Variants in EPS15L1 observed in about 807,000 individuals in gnomAD.
The protein encoded by EPS15L1 is epidermal growth factor receptor substrate 15-like 1.
EPS15L1 carries 43 observed loss-of-function variants against 117.1 expected under a neutral mutation model. The ratio of observed to expected loss-of-function variants is 0.37; its 90% CI spans 0.29 to 0.47. EPS15L1 has a LOEUF of 0.47. EPS15L1 is among the 20% of genes least tolerant of loss of function. The probability of loss-of-function intolerance (pLI) is 0.99; values close to 1 mark genes in which losing one functional copy is unlikely to be tolerated. For missense variants in EPS15L1, 981 were observed against 1,164.0 expected (o/e 0.84, Z 2.29); for synonymous variants, 459 against 470.5 (o/e 0.98, Z 0.32).
In EPS15L1 at chr19:16,458,702, C is replaced by T. The variant is rs534302864; in HGVS notation, c.33+13211G>A. ...CACACACTCACTCACACACACTCAG[C>T]CACACACACATACACACAATCACAC... On this transcript the variant is annotated intron_variant, in intron 1 of 23. Coordinates refer to ENST00000455140, the MANE Select transcript of EPS15L1 (RefSeq NM_001258374.3). Among the ~76,000 whole-genome samples the T allele has an allele frequency of 1.1e-4, 17 of 152,030 alleles. No homozygotes were observed. In the South Asian group the frequency reaches 3.5e-3, roughly 32 times the overall value.
intron 22 of EPS15L1, among the ~76,000 whole-genome samples, chr19:16,375,466 A>ATG (rs3082716): frequency 0.024 from 3,562 of 149,390 alleles, 136 homozygotes; most frequent in African/African-American, 0.079. Context: ...TTATGCATAT[A>ATG]TGTGTGTGTG....
chr19:16,441,964 T>C lies in EPS15L1; in HGVS notation c.93A>G (p.Thr31=). The C allele has an allele frequency of 1.9e-6, 3 of 1,613,628 alleles. No individual in the cohort carries two copies. The highest frequency in any genetic ancestry group is 2.2e-5 in the East Asian group (1 of 44,860). Residue 31 remains threonine, a synonymous_variant, in exon 3 of 24, where the codon ACA becomes ACG. Transcript: ENST00000455140. ...CAGCTTCACTCGCCCCCACCCTCCC[T>C]GTGTATGCCGGATCGACCTGAAATG... is the stretch of plus-strand genomic sequence containing the variant. ...SYYKQVDPAY[T]GRVGASEAAL...
chr19:16,422,975 G>A (rs1033408033), intron 9 of EPS15L1, among the ~76,000 whole-genome samples: 1 of 150,528 alleles, frequency 6.6e-6, no homozygotes, highest in East Asian at 2.0e-4. Context: ...AAAAAAGGGG[G>A]GGGGGATTTC....
At chr19:16,417,811 CG>C in intron 11 of EPS15L1, 136 bp downstream of exon 11, 8 of 1,336,806 alleles carry the variant, frequency 6.0e-6, no homozygotes, top group East Asian at 2.4e-5. Flanking sequence ...GCCACCCTCC[CG>C]GGGGCCCCTG....
In EPS15L1 at chr19:16,385,219, C is replaced by G. The variant is rs377365202; in HGVS notation, c.2165-8G>C. On this transcript the variant is annotated splice_region_variant and splice_polypyrimidine_tract_variant and intron_variant, in intron 20 of 23. Transcript: ENST00000455140. ...CTAAGGTTCCAAAGGGATCTGCAATCGGCACCAACAAAGTCAGAGTTACAG... is the reference window on the plus strand; with the variant it reads ...CTAAGGTTCCAAAGGGATCTGCAATGGGCACCAACAAAGTCAGAGTTACAG... The G allele has an allele frequency of 6.2e-7, 1 of 1,613,242 alleles. No homozygotes were observed. Among genetic ancestry groups the G allele is most frequent in the Non-Finnish European group, 8.5e-7 (1 of 1,179,296 alleles).
chr19:16,439,003 C>T (rs767883423), intron 4 of EPS15L1, among the ~76,000 whole-genome samples: 14 of 152,172 alleles, frequency 9.2e-5, no homozygotes, highest in Non-Finnish European at 2.1e-4. Context: ...AGGTGCCTCC[C>T]TCCTAACCCA....
intron 10 of EPS15L1, 149 bp downstream of exon 10, chr19:16,421,170 C>T: frequency 1.2e-6 from 1 of 866,622 alleles, no homozygotes; most frequent in Non-Finnish European, 1.7e-6. Context: ...TGCTCAGCCT[C>T]TGTCAGGCCA....
intron 1 of EPS15L1, among the ~76,000 whole-genome samples, chr19:16,462,398 C>T (rs1423235032): frequency 6.6e-6 from 1 of 152,108 alleles, no homozygotes; most frequent in Non-Finnish European, 1.5e-5. Flanking sequence ...TGGTGGCTCA[C>T]ACCTGTAATC....
rs532058446 is a variant in EPS15L1 at position 16,471,668 on chromosome 19, C to A, written c.33+245G>T. On this transcript the variant is annotated intron_variant, in intron 1 of 23. Coordinates refer to ENST00000455140, the MANE Select transcript of EPS15L1 (RefSeq NM_001258374.3). The surrounding 1 kb of genome is among the most constrained non-coding windows in gnomAD (Gnocchi z 4.8). Reference sequence around the variant, plus strand: ...GCGGCGGCAGGGTCCGGGCCCTGGGCGGAGAGGACACGCGCTGCGCACCTC... The same window carrying A: ...GCGGCGGCAGGGTCCGGGCCCTGGGAGGAGAGGACACGCGCTGCGCACCTC... 2.6e-3 allele frequency among the ~76,000 whole-genome samples: 389 copies of A among 152,164 alleles called. 2 individuals carry two copies. Among genetic ancestry groups the A allele is most frequent in the African/African-American group, 9.1e-3 (380 of 41,546 alleles).
chr19:16,441,859 A>G, intron 3 of EPS15L1, 33 bp downstream of exon 3: 2 of 1,557,630 alleles, frequency 1.3e-6, no homozygotes, highest in Non-Finnish European at 1.8e-6. Context: ...GAGGGCAGCC[A>G]CAGAAGAGAA....
rs189547250 is a variant in EPS15L1 at position 16,386,980 on chromosome 19, A to G, written c.2104-749T>C. ...CATTTCTAAACATATAAAGAACTGG[A>G]AAAATGTGACCACCTCTCACCGGAA... On this transcript the variant is annotated intron_variant, in intron 19 of 23. Coordinates refer to ENST00000455140, the MANE Select transcript of EPS15L1 (RefSeq NM_001258374.3). Among the ~76,000 whole-genome samples the G allele has an allele frequency of 1.2e-4, 18 of 152,366 alleles. 1 individual carries two copies. Among genetic ancestry groups the G allele is most frequent in the African/African-American group, 4.3e-4 (18 of 41,592 alleles).
chr19:16,393,655 A>T lies in EPS15L1; in HGVS notation c.1966+296T>A, dbSNP rs12982140. On this transcript the variant is annotated intron_variant, in intron 18 of 23. Transcript: ENST00000455140. Reference sequence around the variant, plus strand: ...CAGAGCGAGACTCCGTCTCAAAAAAAAAAAAAATAAAAAATAAATAAATAA... The same window carrying T: ...CAGAGCGAGACTCCGTCTCAAAAAATAAAAAAATAAAAAATAAATAAATAA... Among the ~76,000 whole-genome samples the T allele has an allele frequency of 5.4e-3, 811 of 150,158 alleles. 6 individuals carry two copies. Among genetic ancestry groups the T allele is most frequent in the Non-Finnish European group, 8.6e-3 (584 of 67,606 alleles).
chr19:16,404,015 C>A lies in EPS15L1; in HGVS notation c.1429-85G>T. On this transcript the variant is annotated intron_variant, in intron 14 of 23. Coordinates refer to ENST00000455140, the MANE Select transcript of EPS15L1 (RefSeq NM_001258374.3). This position sits in a 1 kb window ranked among gnomAD's most constrained non-coding sequence, Gnocchi z 4.2. ...CGAGAAAGAACTCTTAGCCCCCATC[C>A]CCGAAACAAGCTAAGCCAGGGACGC... The A allele has an allele frequency of 7.6e-7, 1 of 1,315,226 alleles. No individual in the cohort carries two copies. Among genetic ancestry groups the A allele is most frequent in the South Asian group, 1.3e-5 (1 of 78,780 alleles). The allele number at this position is 1,315,226 out of a possible 1,614,324, so 81.5% of individuals were successfully genotyped here. A position where few individuals can be genotyped will look rare whatever the true frequency, so the allele number is the denominator to read the frequency against.
chr19:16,441,629 CAAAAA>C (rs369757727), intron 3 of EPS15L1: 401 of 87,096 alleles, frequency 4.6e-3, no homozygotes, highest in Non-Finnish European at 5.8e-3. Context: ...AACTCTGTCT[CAAAAA>C]AAAAAAAAAA....
At chr19:16,425,792 G>A (rs1027662812) in intron 8 of EPS15L1, among the ~76,000 whole-genome samples, 6 of 152,164 alleles carry the variant, frequency 3.9e-5, no homozygotes, top group South Asian at 2.1e-4. Context: ...GTGACAGAGC[G>A]AGACTCTGTC....
At chr19:16,433,496 T>G (rs2092949464) in intron 7 of EPS15L1, among the ~76,000 whole-genome samples, 1 of 152,072 alleles carries the variant, frequency 6.6e-6, no homozygotes, top group Non-Finnish European at 1.5e-5. Context: ...GAAAATACTT[T>G]TACCTTGAGC....
chr19:16,393,847 G>T, intron 18 of EPS15L1, 104 bp downstream of exon 18: 1 of 1,156,920 alleles, frequency 8.6e-7, no homozygotes, highest in Non-Finnish European at 1.3e-6. Context: ...CCAGTTACAT[G>T]GCTGCCATCC....
At chr19:16,457,094 T>G (rs559212576) in intron 1 of EPS15L1, among the ~76,000 whole-genome samples, 1 of 152,186 alleles carries the variant, frequency 6.6e-6, no homozygotes, top group African/African-American at 2.4e-5. Flanking sequence ...GCAGCAGAAC[T>G]CCAGCAGCCT....
At chr19:16,363,488 C>G (rs1291033463) in intron 22 of EPS15L1, among the ~76,000 whole-genome samples, 5 of 152,208 alleles carry the variant, frequency 3.3e-5, no homozygotes, top group Non-Finnish European at 7.3e-5. Context: ...AGATCTAAAG[C>G]CTTTCCCTCT....
Sources: gnomAD v4.1 joint callset for allele counts (sites outside exome capture counted in the v4.1 genomes callset) on GRCh38, gnomAD v4.1.1 for gene constraint, Gnocchi (gnomAD v3.1) non-coding constraint, MANE v1.5 for transcripts, NCBI Gene and HGNC (gene_info 2026-07-23, HGNC 2026-07-21) for gene names.